Variants in MACF1 observed in about 807,000 individuals in gnomAD.
MACF1 encodes the protein microtubule-actin cross-linking factor 1.
MACF1 carries 193 observed loss-of-function variants against 854.8 expected under a neutral mutation model. The ratio of observed to expected loss-of-function variants is 0.23; its 90% CI spans 0.20 to 0.25. The LOEUF (loss-of-function observed/expected upper bound fraction) is 0.25, where lower values mean the gene tolerates loss of function less well. Among genes scored for constraint, MACF1 ranks in the 10% least tolerant of loss-of-function variants. The pLI is 1.00. For synonymous variants in MACF1, 3,185 were observed against 3,226.7 expected, an observed-to-expected ratio of 0.99 and a Z score of 0.44; for missense variants, 7,722 against 8,929.1, an observed-to-expected ratio of 0.86 and a Z score of 5.45.
rs1333237293 is a variant in MACF1, at chr1:39,441,224, A to T, written c.18571A>T (p.Met6191Leu). 6.2e-7 allele frequency: 1 copy of T among 1,613,942 alleles called. No homozygotes were observed. The highest frequency in any genetic ancestry group is 8.5e-7 in the Non-Finnish European group (1 of 1,179,906). Residue 6191 changes from methionine (M) to leucine (L), a missense_variant and splice_region_variant, in exon 74 of 101, where the codon ATG (methionine) becomes TTG (leucine). Met to Leu is a conservative substitution (Grantham distance 15). This residue lies in a region of MACF1 where 2,807 missense variants were observed against 3,235.8 expected (regional missense o/e 0.87). Coordinates refer to ENST00000564288, the MANE Select transcript of MACF1 (RefSeq NM_001394062.1). ...KPEVRKSIDE[M>L]NNAWENLNKT... ...ATCTGATTGAATGTTTTTCCCCTAG[A>T]TGAATAATGCTTGGGAGAACTTAAA...
At chr1:39,433,264 T>G in intron 68 of MACF1, 109 bp downstream of exon 68, 1 of 591,372 alleles carries the variant, frequency 1.7e-6, no homozygotes, top group Non-Finnish European at 2.9e-6. Context: ...GGACTTTTCT[T>G]ATGATTGTTA....
chr1:39,454,768 C>T, intron 88 of MACF1, 141 bp from the exon 89 acceptor site: 1 of 716,790 alleles, frequency 1.4e-6, no homozygotes, highest in East Asian at 2.8e-5. Context: ...CCACTACACT[C>T]CAGTGTGGGT....
chr1:39,419,089 A>C (rs1643435281), intron 58 of MACF1, among the ~76,000 whole-genome samples: 1 of 152,246 alleles, frequency 6.6e-6, no homozygotes, highest in African/African-American at 2.4e-5. Context: ...ATCTAAAAGC[A>C]CTGGTTTTGC....
At position 39,484,596 on chromosome 1, in the gene MACF1, T is replaced by C. The variant is rs778133912; in HGVS notation, c.22282-5T>C. 1.2e-6 allele frequency: 2 copies of C among 1,604,362 alleles called. No homozygotes were observed. Among genetic ancestry groups the C allele is most frequent in the Admixed American group, 3.5e-5 (2 of 57,564 alleles). On this transcript the variant is annotated splice_region_variant and splice_polypyrimidine_tract_variant and intron_variant, in intron 99 of 100. Coordinates refer to ENST00000564288, the MANE Select transcript of MACF1 (RefSeq NM_001394062.1). ...AAATGTGACCTTTTTATTATTTTTT[T>C]TAAGGTTATCCCATCATCAGGTAGC... is the stretch of plus-strand genomic sequence containing the variant.
chr1:39,152,698 T>C (rs1643605856), intron 2 of MACF1, among the ~76,000 whole-genome samples: 1 of 152,210 alleles, frequency 6.6e-6, no homozygotes, highest in Admixed American at 6.5e-5. Flanking sequence ...ATAGCCTCAT[T>C]GTTAGCAAAA....
chr1:39,133,329 C>G (rs1053944418), intron 2 of MACF1, among the ~76,000 whole-genome samples: 16 of 152,190 alleles, frequency 1.1e-4, no homozygotes, highest in Admixed American at 1.0e-3. Context: ...TGTTCCTGAT[C>G]CATCTGGAGT....
intron 58 of MACF1, among the ~76,000 whole-genome samples, chr1:39,399,865 G>A (rs918256995): frequency 6.6e-6 from 1 of 152,186 alleles, no homozygotes; most frequent in Non-Finnish European, 1.5e-5. Flanking sequence ...TATATACACA[G>A]TTGGAGATGA....
chr1:39,113,712 G>A (rs1185980191), intron 2 of MACF1, among the ~76,000 whole-genome samples: 2 of 152,200 alleles, frequency 1.3e-5, no homozygotes, highest in East Asian at 1.9e-4. Context: ...ACAGCAAGTG[G>A]AGGATATCAG....
chr1:39,293,509 T>A lies in MACF1; in HGVS notation c.2044T>A (p.Ser682Thr). 1 of 1,614,004 alleles carries A rather than the reference T, an allele frequency of 6.2e-7. No individual in the cohort carries two copies. Among genetic ancestry groups the A allele is most frequent in the Non-Finnish European group, 8.5e-7 (1 of 1,179,902 alleles). The change falls in exon 18 of 101, where the codon TCC becomes ACC. Residue 682 changes from serine to threonine, a missense_variant. Ser to Thr is a moderately conservative substitution (Grantham distance 58). Coordinates refer to ENST00000564288, the MANE Select transcript of MACF1 (RefSeq NM_001394062.1). ...CCTTCAGAGCCTGCATAAATTTGTT[T>A]CCAGAGCTACAGCTGAGTTGATCTG... ...RHLQSLHKFV[S>T]RATAELIWLN...
intron 58 of MACF1, chr1:39,414,085 G>C (rs1367936368): frequency 6.2e-7 from 1 of 1,606,536 alleles, no homozygotes; most frequent in Non-Finnish European, 8.5e-7. Flanking sequence ...AGCAGCTTCA[G>C]TGCCCACCCC....
intron 2 of MACF1, among the ~76,000 whole-genome samples, chr1:39,133,941 A>G (rs1486421734): frequency 6.7e-6 from 1 of 150,276 alleles, no homozygotes; most frequent in Non-Finnish European, 1.5e-5. Context: ...TTTTGTGAAT[A>G]CTACGAACAG....
intron 2 of MACF1, among the ~76,000 whole-genome samples, chr1:39,104,632 C>G (rs1313994549): frequency 6.6e-6 from 1 of 152,206 alleles, no homozygotes; most frequent in Non-Finnish European, 1.5e-5. Flanking sequence ...TTATTCACCC[C>G]ATGGTGCATT....
rs1373584831 is a variant in MACF1, at chr1:39,324,219, A to G, written c.4263A>G (p.Glu1421=). 2.5e-6 allele frequency: 4 copies of G among 1,609,730 alleles called. No homozygotes were observed. Among genetic ancestry groups the G allele is most frequent in the Admixed American group, 1.7e-5 (1 of 59,236 alleles). Residue 1421 remains glutamate, a synonymous_variant, in exon 34 of 101, where the codon GAA becomes GAG. Coordinates refer to ENST00000564288, the MANE Select transcript of MACF1 (RefSeq NM_001394062.1). The stretch of plus-strand genomic sequence containing the variant: ...AAGTGGTAGAAGAGGAGAAACAAGA[A>G]CATGTGGAGAAGGTTAAAGAACTTT... ...EEKVVEEEKQ[E]HVEKVKELLG...
At position 39,310,252 on chromosome 1, in the gene MACF1, C is replaced by T. The variant is rs577233378; in HGVS notation, c.2924C>T (p.Ser975Phe). ...VQTWNLEKLRSSAPGECHQIM... is the reference protein window; with the variant it reads ...VQTWNLEKLRFSAPGECHQIM... ...CTGGCTTTTTCTTTCTAGCTTCGAT[C>T]CTCAGCACCAGGGGAGTGCCATCAG... Residue 975 changes from serine (S) to phenylalanine (F), a missense_variant, in exon 25 of 101, where the codon TCC (serine) becomes TTC (phenylalanine). Physicochemically the swap from Ser to Phe is radical, Grantham distance 155. This residue lies in a region of MACF1 where 1,137 missense variants were observed against 1,263.0 expected (regional missense o/e 0.90). Transcript: ENST00000564288. 29 of 1,608,866 alleles carry T rather than the reference C, an allele frequency of 1.8e-5. No homozygotes were observed. In the Admixed American group the frequency reaches 2.4e-4, roughly 13 times the overall value.
intron 20 of MACF1, 37 bp downstream of exon 20, chr1:39,295,919 T>A: frequency 6.4e-7 from 1 of 1,562,726 alleles, no homozygotes; most frequent in Non-Finnish European, 8.8e-7. Flanking sequence ...TGTGTGTACA[T>A]ATGTATGTTA....
intron 2 of MACF1, among the ~76,000 whole-genome samples, chr1:39,184,150 G>A (rs1644138583): frequency 6.6e-6 from 1 of 152,200 alleles, no homozygotes; most frequent in South Asian, 2.1e-4. Context: ...TGCTGTTCAT[G>A]TGCCCTCAGA....
intron 34 of MACF1, 109 bp downstream of exon 34, chr1:39,324,454 G>A: frequency 1.5e-6 from 2 of 1,358,568 alleles, no homozygotes; most frequent in South Asian, 1.5e-5. Flanking sequence ...ATTGCTACCT[G>A]AGTAAATGTT....
At chr1:39,349,669 A>G (rs367545818) in intron 42 of MACF1, 42 bp downstream of exon 42, 22 of 1,604,004 alleles carry the variant, frequency 1.4e-5, no homozygotes, top group African/African-American at 5.3e-5. Context: ...GTCTCGCTCT[A>G]TCGCTTAGGC....
chr1:39,255,924 T>C (rs1645092089), intron 5 of MACF1, among the ~76,000 whole-genome samples: 1 of 152,004 alleles, frequency 6.6e-6, no homozygotes, highest in Non-Finnish European at 1.5e-5. Context: ...GTTACTATGA[T>C]AGAATGAAAA....
Sources: gnomAD v4.1 joint callset for allele counts (sites outside exome capture counted in the v4.1 genomes callset) on GRCh38, gnomAD v4.1.1 for gene constraint, gnomAD v4.1.1 regional missense constraint, MANE v1.5 for transcripts, NCBI Gene and HGNC (gene_info 2026-07-23, HGNC 2026-07-21) for gene names.